ACVR2B: variants seen among roughly 807,000 people sequenced by gnomAD.
ACVR2B encodes the protein activin receptor type-2B.
Under a neutral mutation model 65.1 loss-of-function variants are expected in ACVR2B, and 18 were observed. That is an observed-to-expected ratio of 0.28 (90% CI 0.19 to 0.41). The LOEUF (loss-of-function observed/expected upper bound fraction) is 0.41, where lower values mean the gene tolerates loss of function less well. ACVR2B is among the 10% of genes least tolerant of loss of function. ACVR2B has a pLI of 1.00. For missense variants in ACVR2B, 482 were observed against 682.7 expected, an observed-to-expected ratio of 0.71 and a Z score of 3.28; for synonymous variants, 298 against 277.7, an observed-to-expected ratio of 1.07 and a Z score of -0.73.
Position 38,486,979 on chromosome 3 carries a change from G to A in ACVR2B, c.*3647G>A, listed in dbSNP as rs181819002. On this transcript the variant is annotated 3_prime_UTR_variant, in exon 11 of 11. Coordinates refer to ENST00000352511, the MANE Select transcript of ACVR2B (RefSeq NM_001106.4). ...TGGCATAAGCTGGGTTTTCTCCTGG[G>A]ACCATTGGTCCTCAGCAGGAGTTCT... 2 of 152,474 alleles carry A rather than the reference G, an allele frequency of 1.3e-5. No individual in the cohort carries two copies. The highest frequency in any genetic ancestry group is 1.3e-4 in the Admixed American group (2 of 15,318). The allele number at this position is 152,474 out of a possible 1,614,324, so 9.4% of individuals were successfully genotyped here. A position where few individuals can be genotyped will look rare whatever the true frequency, so the allele number is the denominator to read the frequency against.
chr3:38,467,137 T>C (rs1709743842), intron 1 of ACVR2B, among the ~76,000 whole-genome samples: 1 of 152,192 alleles, frequency 6.6e-6, no homozygotes, highest in African/African-American at 2.4e-5. Flanking sequence ...GGATAGATTA[T>C]AATTTTCAAG....
At chr3:38,462,210 T>C (rs1477252407) in intron 1 of ACVR2B, among the ~76,000 whole-genome samples, 12 of 151,706 alleles carry the variant, frequency 7.9e-5, no homozygotes, top group Non-Finnish European at 1.0e-4. Flanking sequence ...AATAAATAAA[T>C]AAACAAACAA....
chr3:38,459,811 A>G (rs1709611735), intron 1 of ACVR2B: 1 of 309,788 alleles, frequency 3.2e-6, no homozygotes, highest in Non-Finnish European at 4.7e-6. Flanking sequence ...GGCAGCCGAC[A>G]CTGGAGGCCC....
At chr3:38,480,932 C>G (rs1710007118) in intron 7 of ACVR2B, among the ~76,000 whole-genome samples, 2 of 152,306 alleles carry the variant, frequency 1.3e-5, no homozygotes, top group African/African-American at 4.8e-5. Context: ...TAAGGGGTCT[C>G]TGCAGGATCC....
intron 1 of ACVR2B, among the ~76,000 whole-genome samples, chr3:38,462,955 C>T (rs1430522315): frequency 1.3e-5 from 2 of 152,108 alleles, no homozygotes; most frequent in Non-Finnish European, 2.9e-5. Flanking sequence ...CTGTGAACAT[C>T]CTTCCTACCT....
intron 1 of ACVR2B, among the ~76,000 whole-genome samples, chr3:38,457,020 C>T (rs1328995773): frequency 6.6e-6 from 1 of 152,070 alleles, no homozygotes; most frequent in Non-Finnish European, 1.5e-5. Flanking sequence ...TCCTGGCCAA[C>T]GTGGTGAAAT....
In ACVR2B at chr3:38,468,410, ATTG is replaced by A. The variant is rs1709766763; in HGVS notation, c.53-8874_53-8872del. ...AACTAGGGGTTCCTGTATTTGGTAT[ATTG>A]TTCTGTATTCCTCCTGTTTCAGTGT... On this transcript the variant is annotated intron_variant, in intron 1 of 10. Transcript: ENST00000352511. Among the ~76,000 whole-genome samples the A allele has an allele frequency of 2.0e-5, 3 of 152,106 alleles. 1 individual carries two copies. In the South Asian group the frequency reaches 6.2e-4, roughly 32 times the overall value.
In ACVR2B at chr3:38,492,784, ACACACACACACACACACACAT is replaced by A; in HGVS notation, c.*9453_*9473del. 1.6e-5 allele frequency: 1 copy of A among 63,458 alleles called. No homozygotes were observed. Among genetic ancestry groups the A allele is most frequent in the African/African-American group, 4.9e-5 (1 of 20,408 alleles). The allele number at this position is 63,458 out of a possible 1,614,324, so 3.9% of individuals were successfully genotyped here. A position where few individuals can be genotyped will look rare whatever the true frequency, so the allele number is the denominator to read the frequency against. Reference sequence around the variant, plus strand: ...CACACACACACACACACACACACACACACACACACACACACACACATACACCTAAAATGGCCTAAAGCAGAC... The same window carrying A: ...CACACACACACACACACACACACACAACACCTAAAATGGCCTAAAGCAGAC... On this transcript the variant is annotated 3_prime_UTR_variant, in exon 11 of 11. Coordinates refer to ENST00000352511, the MANE Select transcript of ACVR2B (RefSeq NM_001106.4).
intron 1 of ACVR2B, among the ~76,000 whole-genome samples, chr3:38,456,763 T>G (rs1709557155): frequency 6.6e-6 from 1 of 152,160 alleles, no homozygotes; most frequent in Non-Finnish European, 1.5e-5. Context: ...CTGTTCTCAT[T>G]ACCTGATGGC....
At chr3:38,473,887 T>C (rs906598706) in intron 1 of ACVR2B, 1 of 152,370 alleles carries the variant, frequency 6.6e-6, no homozygotes, top group African/African-American at 2.4e-5. Flanking sequence ...GGGGGTCAGG[T>C]GACATCTTTT....
At chr3:38,454,989 G>T (rs1026221647) in intron 1 of ACVR2B, among the ~76,000 whole-genome samples, 1 of 151,908 alleles carries the variant, frequency 6.6e-6, no homozygotes, top group Non-Finnish European at 1.5e-5. Context: ...GGACCGCTTT[G>T]TTTGGGCACT....
At position 38,477,908 on chromosome 3, in the gene ACVR2B, G is replaced by C; in HGVS notation, c.308G>C (p.Cys103Ser). 1 of 1,614,110 alleles carries C rather than the reference G, an allele frequency of 6.2e-7. No homozygotes were observed. Among genetic ancestry groups the C allele is most frequent in the Non-Finnish European group, 8.5e-7 (1 of 1,180,016 alleles). ...GAGAACCCCCAGGTGTACTTCTGCT[G>C]CTGTGAAGGCAACTTCTGCAACGAA... ...TEENPQVYFC[C>S]CEGNFCNERF... Residue 103 changes from cysteine to serine, a missense_variant, in exon 3 of 11, where the codon TGC (cysteine) becomes TCC (serine). This residue lies in a region of ACVR2B where 85 missense variants were observed against 137.3 expected (regional missense o/e 0.62). Coordinates refer to ENST00000352511, the MANE Select transcript of ACVR2B (RefSeq NM_001106.4). This position sits in a 1 kb window ranked among gnomAD's most constrained non-coding sequence, Gnocchi z 6.7.
chr3:38,487,200 C>T lies in ACVR2B; in HGVS notation c.*3868C>T, dbSNP rs1398268779. On this transcript the variant is annotated 3_prime_UTR_variant, in exon 11 of 11. Transcript: ENST00000352511. ...GCATACCCACACGTGCCAGCTGATTCTGACTCTGAATACATCATGTCCGGA... is the reference window on the plus strand; with the variant it reads ...GCATACCCACACGTGCCAGCTGATTTTGACTCTGAATACATCATGTCCGGA... The T allele has an allele frequency of 1.3e-5, 2 of 152,426 alleles. No homozygotes were observed. The highest frequency in any genetic ancestry group is 6.5e-5 in the Admixed American group (1 of 15,310). 9.4% of individuals were successfully genotyped at this position (152,426 alleles called of 1,614,324 possible).
Position 38,488,932 on chromosome 3 carries a change from T to G in ACVR2B, c.*5600T>G, listed in dbSNP as rs374586870. 1.4e-4 allele frequency: 21 copies of G among 152,318 alleles called. No individual in the cohort carries two copies. The highest frequency in any genetic ancestry group is 2.2e-4 in the African/African-American group (9 of 41,564). 9.4% of individuals were successfully genotyped at this position (152,318 alleles called of 1,614,324 possible). A position where few individuals can be genotyped will look rare whatever the true frequency, so the allele number is the denominator to read the frequency against. On this transcript the variant is annotated 3_prime_UTR_variant, in exon 11 of 11. Transcript: ENST00000352511. The stretch of plus-strand genomic sequence containing the variant: ...ACTAAAGCAATGTACACACCACTCT[T>G]TGTGTGTATGGAAGGGGTTATATAA...
chr3:38,478,525 GTT>G lies in ACVR2B; in HGVS notation c.666+9_666+10del. 1 of 1,614,098 alleles carries G rather than the reference GTT, an allele frequency of 6.2e-7. No individual in the cohort carries two copies. The highest frequency in any genetic ancestry group is 8.5e-7 in the Non-Finnish European group (1 of 1,179,998). ...CAAGATCTTCCCACTCCAGGTGAGT[GTT>G]TGAGGGGCTCCATCCAGGTCCTCTG... On this transcript the variant is annotated splice_region_variant and intron_variant, in intron 5 of 10. Transcript: ENST00000352511.
At chr3:38,460,236 C>T (rs954580205) in intron 1 of ACVR2B, among the ~76,000 whole-genome samples, 8 of 144,718 alleles carry the variant, frequency 5.5e-5, no homozygotes, top group African/African-American at 8.0e-5. Context: ...GACACCCACC[C>T]CCTTGTTCTG....
In ACVR2B at chr3:38,478,212, G is replaced by T; in HGVS notation, c.442G>T (p.Gly148Cys). The change falls in exon 4 of 11, where the codon GGC (glycine) becomes TGC (cysteine). Residue 148 changes from glycine (G) to cysteine (C), a missense_variant. This residue lies in a region of ACVR2B where 95 missense variants were observed against 91.6 expected (regional missense o/e 1.04). Coordinates refer to ENST00000352511, the MANE Select transcript of ACVR2B (RefSeq NM_001106.4). ...GGCCTACTCACTGCTGCCCATCGGG[G>T]GCCTTTCCCTCATCGTCCTGCTGGC... is the stretch of plus-strand genomic sequence containing the variant. ...VLAYSLLPIG[G>C]LSLIVLLAFW... 1 of 1,614,068 alleles carries T rather than the reference G, an allele frequency of 6.2e-7. No homozygotes were observed. Among genetic ancestry groups the T allele is most frequent in the African/African-American group, 1.3e-5 (1 of 75,032 alleles).
intron 1 of ACVR2B, among the ~76,000 whole-genome samples, chr3:38,455,724 C>A (rs924109836): frequency 6.6e-6 from 1 of 152,212 alleles, no homozygotes; most frequent in Non-Finnish European, 1.5e-5. Context: ...TCTCCTGGAG[C>A]CGCTTCTTGG....
At chr3:38,455,023 AT>A (rs1200970767) in intron 1 of ACVR2B, among the ~76,000 whole-genome samples, 1 of 151,884 alleles carries the variant, frequency 6.6e-6, no homozygotes, top group Non-Finnish European at 1.5e-5. Context: ...GGTGGGTAAG[AT>A]GGAAAACCCA....
Sources: allele counts gnomAD v4.1 joint callset (sites outside exome capture counted in the v4.1 genomes callset), GRCh38; gene constraint gnomAD v4.1.1; regional missense constraint gnomAD v4.1.1; non-coding constraint Gnocchi (gnomAD v3.1); transcripts MANE v1.5; gene names NCBI Gene and HGNC (gene_info 2026-07-23, HGNC 2026-07-21).